Variants in ADAMTS20 observed in about 807,000 individuals in gnomAD.
ADAMTS20 encodes the protein A disintegrin and metalloproteinase with thrombospondin motifs 20.
In ADAMTS20, 225 loss-of-function variants were observed where a neutral mutation model predicts 260.1. The observed-to-expected ratio is 0.87, with a 90% CI of 0.78 to 0.97. ADAMTS20 has a LOEUF of 0.97. Among genes scored for constraint, ADAMTS20 ranks in the 50% least tolerant of loss-of-function variants. The pLI is 0.00. For missense variants in ADAMTS20, 2,400 were observed against 2,337.7 expected (o/e 1.03, Z -0.55); for synonymous variants, 802 against 769.5 (o/e 1.04, Z -0.70).
chr12:43,525,689 T>C (rs1943132066), intron 3 of ADAMTS20, among the ~76,000 whole-genome samples: 1 of 151,964 alleles, frequency 6.6e-6, no homozygotes, highest in Non-Finnish European at 1.5e-5. Flanking sequence ...ATACATTGAA[T>C]GCAAATGGAA....
intron 11 of ADAMTS20, among the ~76,000 whole-genome samples, chr12:43,455,795 G>A (rs146633899): frequency 1.7e-4 from 26 of 150,120 alleles, no homozygotes; most frequent in African/African-American, 2.5e-4. Flanking sequence ...CGCAACCTCC[G>A]CCTCCCACAT....
intron 3 of ADAMTS20, among the ~76,000 whole-genome samples, chr12:43,516,038 C>T (rs899654063): frequency 2.0e-5 from 3 of 151,710 alleles, no homozygotes; most frequent in South Asian, 2.1e-4. Context: ...ATCTCCCCCA[C>T]CCCACCGCCC....
intron 34 of ADAMTS20, 30 bp from the exon 35 acceptor site, chr12:43,376,178 A>C (rs750474841): frequency 6.4e-7 from 1 of 1,562,218 alleles, no homozygotes; most frequent in South Asian, 1.2e-5. Flanking sequence ...ATCTAGAAAA[A>C]CTTTTTCCAA....
intron 3 of ADAMTS20, among the ~76,000 whole-genome samples, chr12:43,517,557 G>A (rs1047589599): frequency 6.6e-6 from 1 of 151,908 alleles, no homozygotes; most frequent in Non-Finnish European, 1.5e-5. Flanking sequence ...ATAAATTGAC[G>A]ATATAACGTA....
chr12:43,551,464 C>T lies in ADAMTS20; in HGVS notation c.92-194G>A, dbSNP rs542527925. Among the ~76,000 whole-genome samples, 10 of 152,114 alleles carry T rather than the reference C, an allele frequency of 6.6e-5. No homozygotes were observed. Among genetic ancestry groups the T allele is most frequent in the African/African-American group, 2.2e-4 (9 of 41,432 alleles). On this transcript the variant is annotated intron_variant, in intron 1 of 38. Coordinates refer to ENST00000389420, the MANE Select transcript of ADAMTS20 (RefSeq NM_025003.5). The surrounding 1 kb of genome is among the most constrained non-coding windows in gnomAD (Gnocchi z 4.6). ...ACGGTTAGTGCTCTGCTTTCCCACA[C>T]CCCCAACTTGCCCTACCCTCCCCAA...
chr12:43,515,914 T>C (rs1227529397), intron 3 of ADAMTS20, among the ~76,000 whole-genome samples: 1 of 152,206 alleles, frequency 6.6e-6, no homozygotes, highest in Non-Finnish European at 1.5e-5. Context: ...TTCACCATTT[T>C]TCAAATGAAT....
At chr12:43,408,531 G>A (rs1409760118) in intron 28 of ADAMTS20, among the ~76,000 whole-genome samples, 2 of 152,094 alleles carry the variant, frequency 1.3e-5, no homozygotes, top group African/African-American at 4.8e-5. Flanking sequence ...CTTTTAAGTA[G>A]GGTTATAAAG....
At chr12:43,382,543 G>A (rs1006900379) in intron 31 of ADAMTS20, among the ~76,000 whole-genome samples, 1 of 152,030 alleles carries the variant, frequency 6.6e-6, no homozygotes, top group East Asian at 1.9e-4. Context: ...TGATAAAAAG[G>A]CCTGGGATTA....
chr12:43,430,095 G>A, intron 23 of ADAMTS20, among the ~76,000 whole-genome samples: 1 of 148,546 alleles, frequency 6.7e-6, no homozygotes, highest in East Asian at 2.0e-4. Flanking sequence ...TCAGTTCAAA[G>A]AATGGAAATT....
intron 36 of ADAMTS20, among the ~76,000 whole-genome samples, chr12:43,373,360 T>C (rs1411949956): frequency 1.3e-5 from 2 of 152,226 alleles, no homozygotes; most frequent in Non-Finnish European, 2.9e-5. Flanking sequence ...CTTATAACCA[T>C]ATACATCATT....
rs200141152 is a variant in ADAMTS20 at position 43,466,790 on chromosome 12, C to T, written c.1229G>A (p.Gly410Asp). ...TIAHELGHTL[G>D]VQHDDNPRCK... The stretch of plus-strand genomic sequence containing the variant: ...TCTAGGATTATCATCATGTTGAACA[C>T]CAAGTCTAAAAATAAAAATAAACAC... Residue 410 changes from glycine to aspartate, a missense_variant, in exon 9 of 39, where the codon GGT becomes GAT. Coordinates refer to ENST00000389420, the MANE Select transcript of ADAMTS20 (RefSeq NM_025003.5). The T allele has an allele frequency of 8.9e-5, 141 of 1,587,472 alleles. No homozygotes were observed. Among genetic ancestry groups the T allele is most frequent in the Admixed American group, 3.6e-5 (2 of 55,974 alleles).
chr12:43,486,168 C>T (rs1175334796), intron 7 of ADAMTS20, among the ~76,000 whole-genome samples: 1 of 152,144 alleles, frequency 6.6e-6, no homozygotes, highest in East Asian at 1.9e-4. Flanking sequence ...ACATACCCAA[C>T]TTCAAACTAT....
chr12:43,550,981 G>C lies in ADAMTS20; in HGVS notation c.381C>G (p.Arg127=). ...WESDAGPSDL[R]HCFYRGQVNS... is the part of the protein sequence containing the mutation. ...TGACCTGGCCGCGGTAGAAGCAGTG[G>C]CGCAGGTCCGAGGGCCCTGCGTCGC... The change falls in exon 2 of 39, where the codon CGC becomes CGG. Residue 127 remains arginine, a synonymous_variant. Coordinates refer to ENST00000389420, the MANE Select transcript of ADAMTS20 (RefSeq NM_025003.5). 4.3e-6 allele frequency: 7 copies of C among 1,609,974 alleles called. No individual in the cohort carries two copies. The highest frequency in any genetic ancestry group is 5.9e-6 in the Non-Finnish European group (7 of 1,177,338).
rs1311047636 is a variant in ADAMTS20, at chr12:43,428,282, A to G, written c.3904T>C (p.Ser1302Pro). 1 of 1,613,880 alleles carries G rather than the reference A, an allele frequency of 6.2e-7. No individual in the cohort carries two copies. The highest frequency in any genetic ancestry group is 1.3e-5 in the African/African-American group (1 of 74,916). The change falls in exon 26 of 39, where the codon TCA (serine) becomes CCA (proline). Residue 1302 changes from serine (S) to proline (P), a missense_variant. Physicochemically the swap from Ser to Pro is moderately conservative, Grantham distance 74. Transcript: ENST00000389420. ...GTTCTCCACTGGTTTCCTCTGACTG[A>G]TGGATGGACCACCTGATTTTCATTA... ...EDNENQVVHP[S>P]VRGNQWRTGP...
At chr12:43,532,405 T>C (rs551037374) in intron 2 of ADAMTS20, among the ~76,000 whole-genome samples, 1 of 152,210 alleles carries the variant, frequency 6.6e-6, no homozygotes, top group Non-Finnish European at 1.5e-5. Flanking sequence ...TGGATAGTGT[T>C]CCAACAGGCC....
At chr12:43,498,485 T>C (rs1432769063) in intron 4 of ADAMTS20, among the ~76,000 whole-genome samples, 2 of 152,214 alleles carry the variant, frequency 1.3e-5, no homozygotes, top group African/African-American at 2.4e-5. Context: ...AACTTGTCTT[T>C]ATCATATACC....
intron 29 of ADAMTS20, among the ~76,000 whole-genome samples, chr12:43,389,111 T>C (rs1211675784): frequency 6.6e-6 from 1 of 152,224 alleles, no homozygotes; most frequent in Non-Finnish European, 1.5e-5. Context: ...ATGAAAAATA[T>C]ATTCATTCCA....
At chr12:43,437,967 G>A (rs537313723) in intron 18 of ADAMTS20, among the ~76,000 whole-genome samples, 2 of 152,196 alleles carry the variant, frequency 1.3e-5, no homozygotes, top group African/African-American at 2.4e-5. Context: ...AAGACAAAAT[G>A]TAGAGTTCTG....
At chr12:43,510,046 C>T (rs1852389829) in intron 3 of ADAMTS20, among the ~76,000 whole-genome samples, 1 of 151,888 alleles carries the variant, frequency 6.6e-6, no homozygotes, top group Admixed American at 6.6e-5. Context: ...GACAATAATC[C>T]TCAATAGAGA....
Sources: gnomAD v4.1 joint callset for allele counts (sites outside exome capture counted in the v4.1 genomes callset) on GRCh38, gnomAD v4.1.1 for gene constraint, Gnocchi (gnomAD v3.1) non-coding constraint, MANE v1.5 for transcripts, NCBI Gene and HGNC (gene_info 2026-07-23, HGNC 2026-07-21) for gene names.